IQGAP2: variants seen among roughly 807,000 people sequenced by gnomAD.
IQGAP2 encodes IQ motif containing GTPase activating protein 2, also known as ras GTPase-activating-like protein IQGAP2.
A neutral mutation model predicts 201.3 loss-of-function variants in IQGAP2; 173 were observed. The ratio of observed to expected loss-of-function variants is 0.86; its 90% confidence interval spans 0.76 to 0.98. The LOEUF is 0.98. Among genes scored for constraint, IQGAP2 ranks in the 50% least tolerant of loss-of-function variants. The pLI is 0.00. For synonymous variants in IQGAP2, 675 were observed against 673.9 expected (o/e 1.00, Z -0.03); for missense variants, 1,687 against 1,864.8 (o/e 0.90, Z 1.76).
At chr5:76,683,951 A>C in intron 30 of IQGAP2, 34 bp downstream of exon 30, 1 of 1,571,370 alleles carries the variant, frequency 6.4e-7, no homozygotes. Flanking sequence ...CATGTCTCCA[A>C]ATACACATCT....
chr5:76,550,846 C>T (rs992799023), intron 2 of IQGAP2, among the ~76,000 whole-genome samples: 18 of 152,244 alleles, frequency 1.2e-4, no homozygotes, highest in Middle Eastern at 3.2e-3. Flanking sequence ...CATCATGGCC[C>T]GTTCTCAATG....
chr5:76,665,284 T>G (rs1743651546), intron 22 of IQGAP2, 109 bp downstream of exon 22: 1 of 908,110 alleles, frequency 1.1e-6, no homozygotes, highest in Non-Finnish European at 1.7e-6. Flanking sequence ...CATACATGTT[T>G]TGAGCATCTA....
intron 12 of IQGAP2, among the ~76,000 whole-genome samples, chr5:76,609,594 C>A (rs1748095715): frequency 6.6e-6 from 1 of 151,880 alleles, no homozygotes; most frequent in Non-Finnish European, 1.5e-5. Flanking sequence ...GCTGGAGATA[C>A]TTTTTTTAAA....
At chr5:76,581,236 C>T (rs1745829305) in intron 5 of IQGAP2, among the ~76,000 whole-genome samples, 1 of 152,224 alleles carries the variant, frequency 6.6e-6, no homozygotes, top group African/African-American at 2.4e-5. Flanking sequence ...CATAACTTTC[C>T]TTGTCTTAAC....
chr5:76,501,643 CTTT>C (rs56929376), intron 2 of IQGAP2, among the ~76,000 whole-genome samples: 11 of 101,134 alleles, frequency 1.1e-4, no homozygotes, highest in African/African-American at 4.4e-4. Context: ...TTTTCCTTTT[CTTT>C]TTTTTTTTTT....
intron 1 of IQGAP2, among the ~76,000 whole-genome samples, chr5:76,455,710 C>T (rs1754044713): frequency 6.6e-6 from 1 of 152,258 alleles, no homozygotes; most frequent in South Asian, 2.1e-4. Flanking sequence ...GCCCTAGTGA[C>T]CTCACTGCAA....
At chr5:76,599,427 A>G (rs11952193) in intron 10 of IQGAP2, among the ~76,000 whole-genome samples, 25,305 of 152,096 alleles carry the variant, frequency 0.17, 2,257 homozygotes, top group Admixed American at 0.28. Flanking sequence ...TGGCTGTCCA[A>G]CCTCATTTCT....
chr5:76,702,717 C>CGAA, intron 35 of IQGAP2, 127 bp downstream of exon 35: 4 of 581,890 alleles, frequency 6.9e-6, no homozygotes, highest in South Asian at 2.3e-5. Flanking sequence ...CCTTATTTGC[C>CGAA]AATATTTGTT....
intron 17 of IQGAP2, among the ~76,000 whole-genome samples, chr5:76,648,569 CG>C (rs560656653): frequency 2.5e-3 from 387 of 152,252 alleles, no homozygotes; most frequent in Non-Finnish European, 3.7e-3. Flanking sequence ...ACAGAAATGA[CG>C]GATGTTAGAA....
chr5:76,533,925 A>G (rs1218701750), intron 2 of IQGAP2, among the ~76,000 whole-genome samples: 1 of 152,174 alleles, frequency 6.6e-6, no homozygotes, highest in Non-Finnish European at 1.5e-5. Flanking sequence ...CATAGCAAAT[A>G]TTTTCTCCCA....
At chr5:76,604,903 T>C (rs749676126) in intron 11 of IQGAP2, among the ~76,000 whole-genome samples, 1 of 152,202 alleles carries the variant, frequency 6.6e-6, no homozygotes, top group Non-Finnish European at 1.5e-5. Flanking sequence ...CCTTGAAGCA[T>C]GCAGAATTTT....
chr5:76,609,250 CA>C (rs1462122022), intron 12 of IQGAP2: 1 of 1,535,450 alleles, frequency 6.5e-7, no homozygotes. Context: ...ACAGCTTACC[CA>C]AGGGGGGTGA....
chr5:76,566,278 G>A (rs1744744076), intron 3 of IQGAP2, among the ~76,000 whole-genome samples: 1 of 152,160 alleles, frequency 6.6e-6, no homozygotes, highest in African/African-American at 2.4e-5. Flanking sequence ...CAGTGTTATG[G>A]GTAGATAGCA....
rs763947891 is a variant in IQGAP2 at position 76,631,847 on chromosome 5, T to G, written c.1613-12T>G. On this transcript the variant is annotated splice_polypyrimidine_tract_variant and intron_variant, in intron 14 of 35. Coordinates refer to ENST00000274364, the MANE Select transcript of IQGAP2 (RefSeq NM_006633.5). ...TAACCATTAACAAGAAACTTTTTTT[T>G]CAATTACCCAGGGGTTACTCTGGTG... The G allele has an allele frequency of 6.5e-7, 1 of 1,541,574 alleles. No individual in the cohort carries two copies. The highest frequency in any genetic ancestry group is 2.3e-5 in the East Asian group (1 of 43,126).
intron 2 of IQGAP2, among the ~76,000 whole-genome samples, chr5:76,535,854 C>T (rs1168101618): frequency 6.6e-5 from 10 of 151,978 alleles, no homozygotes; most frequent in Admixed American, 1.3e-4. Context: ...CAGAGAATGT[C>T]GGAAACAAAA....
chr5:76,681,673 G>A (rs1050017550), intron 28 of IQGAP2, among the ~76,000 whole-genome samples: 3 of 152,000 alleles, frequency 2.0e-5, no homozygotes, highest in African/African-American at 7.2e-5. Context: ...CAGAGAGGCT[G>A]GAGTATGGCG....
chr5:76,426,768 T>TGTGCTGCATG (rs1752024578), intron 1 of IQGAP2, among the ~76,000 whole-genome samples: 1 of 152,148 alleles, frequency 6.6e-6, no homozygotes, highest in Admixed American at 6.5e-5. Context: ...ACCTAAGGCC[T>TGTGCTGCATG]GTGCTGCATG....
chr5:76,573,765 C>A (rs1351319498), intron 4 of IQGAP2, among the ~76,000 whole-genome samples: 1 of 151,656 alleles, frequency 6.6e-6, no homozygotes, highest in Non-Finnish European at 1.5e-5. Context: ...GTGTGCTCCA[C>A]CATGCCCAGC....
intron 2 of IQGAP2, among the ~76,000 whole-genome samples, chr5:76,468,707 A>G (rs1348255165): frequency 6.6e-6 from 1 of 152,130 alleles, no homozygotes; most frequent in African/African-American, 2.4e-5. Context: ...GTCCAGTTCA[A>G]CCTCTTTAGT....
Sources: gnomAD v4.1 joint callset for allele counts (sites outside exome capture counted in the v4.1 genomes callset) on GRCh38, gnomAD v4.1.1 for gene constraint, MANE v1.5 for transcripts, NCBI Gene and HGNC (gene_info 2026-07-23, HGNC 2026-07-21) for gene names.